The following DENND1A variants were observed in gnomAD, a reference collection of about 807,000 sequenced individuals.
DENND1A encodes DENN domain-containing protein 1A.
In DENND1A, 51 loss-of-function variants were observed where a neutral mutation model predicts 113.7. The observed-to-expected ratio is 0.45, with a 90% confidence interval of 0.36 to 0.57. The LOEUF (loss-of-function observed/expected upper bound fraction) is 0.57. DENND1A is among the 20% of genes least tolerant of loss of function. The probability of loss-of-function intolerance (pLI) is 0.00; values close to 1 mark genes in which losing one functional copy is unlikely to be tolerated. For missense variants in DENND1A, 1,258 were observed against 1,395.9 expected (o/e 0.90, Z 1.57); for synonymous variants, 565 against 570.8 (o/e 0.99, Z 0.14).
At chr9:123,607,539 A>AGTGTGT (rs2060221791) in intron 11 of DENND1A, among the ~76,000 whole-genome samples, 3 of 127,756 alleles carry the variant, frequency 2.3e-5, no homozygotes, top group African/African-American at 5.9e-5. Context: ...AGAGAGAGAG[A>AGTGTGT]GAGAGAGAGT....
chr9:123,516,467 T>C (rs1033235401), intron 13 of DENND1A, among the ~76,000 whole-genome samples: 5 of 152,212 alleles, frequency 3.3e-5, no homozygotes, highest in African/African-American at 9.7e-5. Context: ...CAGTTCAATG[T>C]CACTAGTAAT....
intron 10 of DENND1A, among the ~76,000 whole-genome samples, chr9:123,610,705 T>C (rs1052165082): frequency 6.6e-5 from 10 of 152,198 alleles, no homozygotes; most frequent in African/African-American, 2.4e-4. Flanking sequence ...GAACAGGTAC[T>C]TTTCTTCTGG....
chr9:123,565,215 C>G (rs1304044397), intron 12 of DENND1A, among the ~76,000 whole-genome samples: 2 of 152,158 alleles, frequency 1.3e-5, no homozygotes, highest in East Asian at 3.9e-4. Context: ...TGGTCTCAAA[C>G]TCCTGACCTG....
At chr9:123,779,923 C>T (rs1187843400) in intron 3 of DENND1A, among the ~76,000 whole-genome samples, 3 of 147,294 alleles carry the variant, frequency 2.0e-5, no homozygotes, top group African/African-American at 7.9e-5. Context: ...AGTGCAGTGG[C>T]GAGATCTCGG....
chr9:123,878,826 G>C, intron 2 of DENND1A, 125 bp downstream of exon 2: 1 of 878,868 alleles, frequency 1.1e-6, no homozygotes. Context: ...TGAATAAAAG[G>C]AAAAAGGCAC....
chr9:123,620,744 T>TCG (rs2060917441), intron 10 of DENND1A, among the ~76,000 whole-genome samples: 1 of 152,158 alleles, frequency 6.6e-6, no homozygotes, highest in Non-Finnish European at 1.5e-5. Context: ...TCCCTTCCTC[T>TCG]TCTGTCTGAA....
chr9:123,401,763 C>T lies in DENND1A; in HGVS notation c.1631+1639G>A, dbSNP rs1156785680. On this transcript the variant is annotated intron_variant, in intron 21 of 23. Coordinates refer to ENST00000394215, the MANE Select transcript of DENND1A (RefSeq NM_001352964.2). ...TCAGACACCGGCTCTTTGGCACACA[C>T]TGCGAAGTCAGCCCCTCTGCCCAGT... 3 of 1,613,214 alleles carry T rather than the reference C, an allele frequency of 1.9e-6. No individual in the cohort carries two copies. In the Admixed American group the frequency reaches 5.0e-5, roughly 27 times the overall value.
intron 19 of DENND1A, among the ~76,000 whole-genome samples, chr9:123,421,374 C>T (rs919153166): frequency 5.9e-5 from 9 of 152,040 alleles, no homozygotes; most frequent in Non-Finnish European, 1.2e-4. Flanking sequence ...CCAAGTACGC[C>T]TGACTCCAAA....
chr9:123,762,941 T>C (rs1194311554), intron 4 of DENND1A, among the ~76,000 whole-genome samples: 1 of 152,168 alleles, frequency 6.6e-6, no homozygotes, highest in African/African-American at 2.4e-5. Context: ...GAACTAGTTA[T>C]GATCAAGGAA....
chr9:123,391,761 G>GAAAAAAAAAAAAAAAAAAAAAAA lies in DENND1A; in HGVS notation c.1632-3904_1632-3903insTTTTTTTTTTTTTTTTTTTTTTT, dbSNP rs5900572. The stretch of plus-strand genomic sequence containing the variant: ...TTTTTATTAGCTTAAGGCAGAATAT[G>GAAAAAAAAAAAAAAAAAAAAAAA]AAAAAAAAAAAAAAAAAAAGCACCT... On this transcript the variant is annotated intron_variant, in intron 21 of 23. Transcript: ENST00000394215. 1.8e-5 allele frequency among the ~76,000 whole-genome samples: 2 copies of GAAAAAAAAAAAAAAAAAAAAAAA among 110,402 alleles called. 1 individual carries two copies. Among genetic ancestry groups the GAAAAAAAAAAAAAAAAAAAAAAA allele is most frequent in the African/African-American group, 7.2e-5 (2 of 27,954 alleles). The allele number at this position is 110,402 out of a possible 152,430, so 72.4% of individuals were successfully genotyped here. A position where few individuals can be genotyped will look rare whatever the true frequency, so the allele number is the denominator to read the frequency against.
intron 5 of DENND1A, among the ~76,000 whole-genome samples, chr9:123,711,486 AATAT>A (rs57675116): frequency 1.2e-3 from 127 of 101,766 alleles, no homozygotes; most frequent in African/African-American, 4.3e-3. Context: ...TAAATTAAAA[AATAT>A]ATATATATAT....
chr9:123,591,407 G>T (rs1288877359), intron 11 of DENND1A, among the ~76,000 whole-genome samples: 1 of 152,234 alleles, frequency 6.6e-6, no homozygotes, highest in African/African-American at 2.4e-5. Context: ...AGAGTGGCCA[G>T]GAGCATGCAG....
At chr9:123,574,022 C>T (rs1298666608) in intron 12 of DENND1A, among the ~76,000 whole-genome samples, 2 of 151,380 alleles carry the variant, frequency 1.3e-5, no homozygotes, top group African/African-American at 4.9e-5. Context: ...TTTCAGTTTA[C>T]TGATATAATA....
At chr9:123,495,171 TATAA>T (rs2051796482) in intron 13 of DENND1A, among the ~76,000 whole-genome samples, 6 of 76,320 alleles carry the variant, frequency 7.9e-5, no homozygotes, top group Admixed American at 6.9e-4. Context: ...CTCTCTCTCT[TATAA>T]TGTCTGTTTC....
chr9:123,580,644 G>A (rs2058844230), intron 12 of DENND1A, among the ~76,000 whole-genome samples: 1 of 152,206 alleles, frequency 6.6e-6, no homozygotes, highest in Non-Finnish European at 1.5e-5. Context: ...CCTGGTCCAT[G>A]CCTGAGATAT....
chr9:123,566,979 C>T (rs2058090516), intron 12 of DENND1A, among the ~76,000 whole-genome samples: 1 of 149,964 alleles, frequency 6.7e-6, no homozygotes, highest in Admixed American at 6.6e-5. Flanking sequence ...GAAAATCCTA[C>T]CCAAGCTACA....
chr9:123,909,414 AAAT>A (rs1191825294), intron 1 of DENND1A, among the ~76,000 whole-genome samples: 12 of 146,872 alleles, frequency 8.2e-5, no homozygotes, highest in African/African-American at 3.2e-4. Context: ...AAATAAAAAT[AAAT>A]AAAAAAACTG....
chr9:123,762,080 C>G (rs1269971657), intron 4 of DENND1A, among the ~76,000 whole-genome samples: 3 of 152,140 alleles, frequency 2.0e-5, no homozygotes, highest in Non-Finnish European at 4.4e-5. Context: ...TCCAAGCCAA[C>G]TTCTGGTTCA....
At chr9:123,599,612 C>G (rs770897240) in intron 11 of DENND1A, among the ~76,000 whole-genome samples, 1 of 152,152 alleles carries the variant, frequency 6.6e-6, no homozygotes, top group African/African-American at 2.4e-5. Flanking sequence ...AGAAGCTCAG[C>G]GACTTGCCCA....
Sources: allele counts gnomAD v4.1 joint callset (sites outside exome capture counted in the v4.1 genomes callset), GRCh38; gene constraint gnomAD v4.1.1; transcripts MANE v1.5; gene names NCBI Gene and HGNC (gene_info 2026-07-23, HGNC 2026-07-21).